Variants in GRID2 observed in about 807,000 individuals in gnomAD.
GRID2 encodes glutamate receptor ionotropic, delta-2.
GRID2 carries 33 observed loss-of-function variants against 114.8 expected under a neutral mutation model. That is an observed-to-expected ratio of 0.29 (90% CI 0.22 to 0.38). The LOEUF is 0.38. Among genes scored for constraint, GRID2 ranks in the 10% least tolerant of loss-of-function variants. The pLI, the probability that GRID2 is intolerant of heterozygous loss-of-function variation, is 1.00. For missense variants in GRID2, 1,184 were observed against 1,257.7 expected (o/e 0.94, Z 0.89); for synonymous variants, 505 against 449.9 (o/e 1.12, Z -1.55).
intron 2 of GRID2, among the ~76,000 whole-genome samples, chr4:92,750,050 AG>A (rs1055452283): frequency 9.2e-5 from 14 of 152,182 alleles, no homozygotes; most frequent in African/African-American, 3.4e-4. Context: ...TAGTAGAGAC[AG>A]GGTTTCTCCA....
At chr4:92,550,481 G>GAATT (rs1289862512) in intron 1 of GRID2, among the ~76,000 whole-genome samples, 82 of 152,134 alleles carry the variant, frequency 5.4e-4, no homozygotes, top group African/African-American at 1.8e-3. Flanking sequence ...ACACTTAGAG[G>GAATT]CAACCCATTT....
chr4:92,742,738 G>C (rs1236492410), intron 2 of GRID2, among the ~76,000 whole-genome samples: 1 of 152,052 alleles, frequency 6.6e-6, no homozygotes, highest in Admixed American at 6.6e-5. Context: ...GCCACCTGAG[G>C]AACTTTCATC....
chr4:93,589,406 T>C (rs1737914934), intron 13 of GRID2, among the ~76,000 whole-genome samples: 1 of 151,976 alleles, frequency 6.6e-6, no homozygotes, highest in Non-Finnish European at 1.5e-5. Flanking sequence ...GGCTGCATAG[T>C]ATTCCATGGT....
intron 1 of GRID2, among the ~76,000 whole-genome samples, chr4:92,384,840 C>T (rs5017062): frequency 0.35 from 52,623 of 148,244 alleles, 10,040 homozygotes; most frequent in East Asian, 0.7. Flanking sequence ...AATTTTCAGA[C>T]GGTATTGTCC....
chr4:92,516,307 A>G (rs1347585119), intron 1 of GRID2, among the ~76,000 whole-genome samples: 1 of 151,890 alleles, frequency 6.6e-6, no homozygotes, highest in Non-Finnish European at 1.5e-5. Flanking sequence ...TTCTATAACA[A>G]TTCTTTGAAT....
chr4:93,040,919 T>A (rs1237980830), intron 2 of GRID2, among the ~76,000 whole-genome samples: 1 of 152,134 alleles, frequency 6.6e-6, no homozygotes, highest in Non-Finnish European at 1.5e-5. Context: ...CTGGTTAAGT[T>A]CATTAGGGTT....
intron 11 of GRID2, among the ~76,000 whole-genome samples, chr4:93,481,620 A>T (rs1293820327): frequency 1.3e-5 from 2 of 152,078 alleles, no homozygotes; most frequent in Non-Finnish European, 2.9e-5. Context: ...ATGGCCTTGC[A>T]TTCCACCTGC....
intron 2 of GRID2, among the ~76,000 whole-genome samples, chr4:92,827,412 A>G (rs558025620): frequency 1.2e-4 from 18 of 151,876 alleles, no homozygotes; most frequent in Non-Finnish European, 1.9e-4. Context: ...TAAAAAAAAA[A>G]AAAAAAAGGA....
At chr4:93,535,680 G>A (rs746098217) in intron 13 of GRID2, among the ~76,000 whole-genome samples, 1 of 151,796 alleles carries the variant, frequency 6.6e-6, no homozygotes, top group African/African-American at 2.4e-5. Flanking sequence ...ATACCTGTTG[G>A]CCATTTGTAT....
intron 13 of GRID2, among the ~76,000 whole-genome samples, chr4:93,619,175 C>A (rs536329429): frequency 1.1e-4 from 17 of 152,094 alleles, no homozygotes; most frequent in Admixed American, 1.0e-3. Flanking sequence ...CATAGGCCAA[C>A]AATTAAGGTA....
intron 1 of GRID2, among the ~76,000 whole-genome samples, chr4:93,802,752 CA>C (rs1734956313): frequency 6.6e-6 from 1 of 152,090 alleles, no homozygotes; most frequent in African/African-American, 2.4e-5. Flanking sequence ...ATCTCTGCAA[CA>C]AGATAAATTC....
At chr4:93,375,819 A>T (rs1178812271) in intron 8 of GRID2, among the ~76,000 whole-genome samples, 2 of 152,324 alleles carry the variant, frequency 1.3e-5, no homozygotes, top group Admixed American at 1.3e-4. Flanking sequence ...GGTAAAAGTA[A>T]AACATGAACA....
intron 8 of GRID2, among the ~76,000 whole-genome samples, chr4:93,346,067 T>C (rs71599276): frequency 1.2e-3 from 185 of 152,294 alleles, no homozygotes; most frequent in Non-Finnish European, 2.1e-3. Context: ...TATATCAAAA[T>C]CAGGTACTGT....
chr4:92,418,175 A>G (rs1013133279), intron 1 of GRID2, among the ~76,000 whole-genome samples: 3 of 152,170 alleles, frequency 2.0e-5, no homozygotes, highest in South Asian at 4.1e-4. Context: ...CTGAAGAAGC[A>G]GTGACTGAGT....
chr4:93,503,048 C>T (rs962435014), intron 12 of GRID2, among the ~76,000 whole-genome samples: 1 of 152,084 alleles, frequency 6.6e-6, no homozygotes, highest in East Asian at 1.9e-4. Flanking sequence ...TCAAGATATG[C>T]ATTTAATATC....
At chr4:93,574,660 G>C (rs1736251945) in intron 13 of GRID2, among the ~76,000 whole-genome samples, 1 of 152,134 alleles carries the variant, frequency 6.6e-6, no homozygotes, top group African/African-American at 2.4e-5. Flanking sequence ...TTGCCTCCAT[G>C]ATTCAATTAC....
chr4:92,955,862 A>G lies in GRID2; in HGVS notation c.245-129133A>G, dbSNP rs571249043. 2.6e-4 allele frequency among the ~76,000 whole-genome samples: 40 copies of G among 152,176 alleles called. No individual in the cohort carries two copies. In the East Asian group the frequency reaches 3.5e-3, roughly 13 times the overall value. ...CTAGCCAGTTTTCCCAGCACCATTTATTAAATAGGGAATCCTTTCCCCATT... is the reference window on the plus strand; with the variant it reads ...CTAGCCAGTTTTCCCAGCACCATTTGTTAAATAGGGAATCCTTTCCCCATT... On this transcript the variant is annotated intron_variant, in intron 2 of 15. Coordinates refer to ENST00000282020, the MANE Select transcript of GRID2 (RefSeq NM_001510.4).
At chr4:93,548,370 G>A (rs990019259) in intron 13 of GRID2, among the ~76,000 whole-genome samples, 6 of 152,102 alleles carry the variant, frequency 3.9e-5, no homozygotes, top group Non-Finnish European at 7.3e-5. Flanking sequence ...AAATAGCACC[G>A]GACAGGGAAC....
chr4:93,801,839 A>G (rs1045104469), intron 1 of GRID2, among the ~76,000 whole-genome samples: 1 of 152,250 alleles, frequency 6.6e-6, no homozygotes, highest in African/African-American at 2.4e-5. Flanking sequence ...ACTAATCAAT[A>G]TAAAAATGCA....
Sources: allele counts gnomAD v4.1 joint callset (sites outside exome capture counted in the v4.1 genomes callset), GRCh38; gene constraint gnomAD v4.1.1; transcripts MANE v1.5; gene names NCBI Gene and HGNC (gene_info 2026-07-23, HGNC 2026-07-21).